Variants in ADAT1 observed in about 807,000 individuals in gnomAD.
ADAT1 encodes the protein adenosine deaminase tRNA specific 1, also known as tRNA-specific adenosine deaminase 1.
A neutral mutation model predicts 58.6 loss-of-function variants in ADAT1; 58 were observed. The ratio of observed to expected loss-of-function variants is 0.99; its 90% CI spans 0.80 to 1.23. ADAT1 has a LOEUF of 1.23. Ranked by LOEUF, ADAT1 falls within the 50% of genes most tolerant of loss-of-function variation. The probability of loss-of-function intolerance (pLI) is 0.00; values close to 1 mark genes in which losing one functional copy is unlikely to be tolerated. For synonymous variants in ADAT1, 254 were observed against 220.8 expected (o/e 1.15, Z -1.33); for missense variants, 741 against 608.6 (o/e 1.22, Z -2.29).
chr16:75,610,395 C>T (rs1488107716), intron 6 of ADAT1, among the ~76,000 whole-genome samples: 1 of 151,838 alleles, frequency 6.6e-6, no homozygotes, highest in African/African-American at 2.4e-5. Context: ...TCCCGTGGCT[C>T]TGGTGATCCT....
At chr16:75,610,434 C>A (rs1186661981) in intron 6 of ADAT1, among the ~76,000 whole-genome samples, 1 of 151,978 alleles carries the variant, frequency 6.6e-6, no homozygotes, top group Non-Finnish European at 1.5e-5. Context: ...GCAGATGGGA[C>A]TACAAGTGTG....
chr16:75,621,412 G>A (rs373837884), intron 1 of ADAT1, among the ~76,000 whole-genome samples: 1 of 151,856 alleles, frequency 6.6e-6, no homozygotes, highest in African/African-American at 2.4e-5. Flanking sequence ...TCTAATTTTG[G>A]CTTTGCCACA....
chr16:75,608,471 T>A, intron 7 of ADAT1, 148 bp from the exon 8 acceptor site: 1 of 664,724 alleles, frequency 1.5e-6, no homozygotes, highest in East Asian at 2.7e-5. Context: ...ATGCTTGGCC[T>A]CCAGGGTACA....
chr16:75,617,236 C>T lies in ADAT1; in HGVS notation c.330G>A (p.Leu110=), dbSNP rs778108393. 1.9e-6 allele frequency: 3 copies of T among 1,613,738 alleles called. No individual in the cohort carries two copies. The South Asian group carries it at 3.3e-5, about 18-fold the overall frequency. ...CTGGGACAAAGATGCTATCCTCTTT[C>T]AGGGTGGCTGCCAACTGGAGTTGGT... The part of the protein sequence containing the change: ...LLHQLQLAAT[L]KEDSIFVPGT... Residue 110 remains leucine (L), a synonymous_variant, in exon 5 of 10, where the codon CTG becomes CTA. Coordinates refer to ENST00000564657, the MANE Select transcript of ADAT1 (RefSeq NM_001324445.2).
At position 75,617,177 on chromosome 16, in the gene ADAT1, T is replaced by A; in HGVS notation, c.389A>T (p.Asp130Val). The A allele has an allele frequency of 6.2e-7, 1 of 1,613,656 alleles. No homozygotes were observed. The highest frequency in any genetic ancestry group is 1.1e-5 in the South Asian group (1 of 91,042). Residue 130 changes from aspartate (D) to valine (V), a missense_variant, in exon 5 of 10, where the codon GAC becomes GTC. Coordinates refer to ENST00000564657, the MANE Select transcript of ADAT1 (RefSeq NM_001324445.2). ...TQKGVWKLRR[D>V]LIFVFFSSHT... The stretch of plus-strand genomic sequence containing the variant: ...GCTGGAGAAAAACACAAAAATGAGG[T>A]CTCGTCTAAGTTTCCACACTCCTTT...
At chr16:75,607,426 C>T (rs751565192) in intron 8 of ADAT1, among the ~76,000 whole-genome samples, 19 of 151,696 alleles carry the variant, frequency 1.3e-4, no homozygotes, top group South Asian at 4.2e-4. Context: ...CGCTTGAACC[C>T]CAGGGGCGGA....
chr16:75,600,232 T>A lies in ADAT1; in HGVS notation c.1493A>T (p.Tyr498Phe). Residue 498 changes from tyrosine (Y) to phenylalanine (F), a missense_variant, in exon 10 of 10, where the codon TAT (tyrosine) becomes TTT (phenylalanine). Physicochemically the swap from Tyr to Phe is conservative, Grantham distance 22. Transcript: ENST00000564657. ...FGSWIRNPPD[Y>F]HQFK ...ATTTCCTTCTCACTTGAACTGGTGATAATCCGGTGGGTTTCTGATCCAGGA... is the reference window on the plus strand; with the variant it reads ...ATTTCCTTCTCACTTGAACTGGTGAAAATCCGGTGGGTTTCTGATCCAGGA... 1 of 1,614,206 alleles carries A rather than the reference T, an allele frequency of 6.2e-7. No homozygotes were observed. Among genetic ancestry groups the A allele is most frequent in the Non-Finnish European group, 8.5e-7 (1 of 1,180,018 alleles).
chr16:75,598,510 C>T lies in ADAT1; in HGVS notation c.*1706G>A, dbSNP rs1169844950. Among the ~76,000 whole-genome samples the T allele has an allele frequency of 1.7e-4, 26 of 150,100 alleles. No individual in the cohort carries two copies. On this transcript the variant is annotated 3_prime_UTR_variant, in exon 10 of 10. Coordinates refer to ENST00000564657, the MANE Select transcript of ADAT1 (RefSeq NM_001324445.2). Reference sequence around the variant, plus strand: ...ATGGTTGCACAACTCTGTGGATATACTAAAAAAATTTTTTTTTTTTTTTTT... The same window carrying T: ...ATGGTTGCACAACTCTGTGGATATATTAAAAAAATTTTTTTTTTTTTTTTT...
intron 7 of ADAT1, 49 bp downstream of exon 7, chr16:75,608,794 C>A (rs761394941): frequency 6.3e-7 from 1 of 1,581,672 alleles, no homozygotes; most frequent in South Asian, 1.1e-5. Context: ...GGGCCACTCT[C>A]AGTCAGGGGA....
chr16:75,603,702 A>T (rs2081285692), intron 8 of ADAT1, among the ~76,000 whole-genome samples: 1 of 119,510 alleles, frequency 8.4e-6, no homozygotes, highest in Non-Finnish European at 1.6e-5. Flanking sequence ...GGAATACTTA[A>T]GGAGGTGAGT....
intron 8 of ADAT1, among the ~76,000 whole-genome samples, chr16:75,606,369 G>A (rs1258912663): frequency 1.3e-5 from 2 of 152,124 alleles, no homozygotes; most frequent in East Asian, 1.9e-4. Context: ...CCTCCCATAC[G>A]TAATAGGGCT....
chr16:75,612,135 G>T, intron 6 of ADAT1, 108 bp downstream of exon 6: 1 of 1,220,708 alleles, frequency 8.2e-7, no homozygotes. Flanking sequence ...ATTCCTGGAA[G>T]TGGAACTGCT....
In ADAT1 at chr16:75,608,894, C is replaced by A. The variant is rs751762218; in HGVS notation, c.1138G>T (p.Val380Leu). Reference sequence around the variant, plus strand: ...GGGCTATCAGCCCTTTTTGCCTGCACCGCACTGCGGCTCTGTTCAAATAGT... The same window carrying A: ...GGGCTATCAGCCCTTTTTGCCTGCAACGCACTGCGGCTCTGTTCAAATAGT... ...DLLFEQSRSA[V>L]QAKRADSPGR... Residue 380 changes from valine (V) to leucine (L), a missense_variant, in exon 7 of 10, where the codon GTG (valine) becomes TTG (leucine). Transcript: ENST00000564657. 6 of 1,613,878 alleles carry A rather than the reference C, an allele frequency of 3.7e-6. No homozygotes were observed. The East Asian group carries it at 1.3e-4, about 36-fold the overall frequency.
At chr16:75,614,256 G>A (rs758292042) in intron 5 of ADAT1, among the ~76,000 whole-genome samples, 3 of 152,108 alleles carry the variant, frequency 2.0e-5, no homozygotes, top group Non-Finnish European at 4.4e-5. Context: ...ATTTTATGAT[G>A]CATGGCCCCA....
chr16:75,615,050 C>A (rs1228319426), intron 5 of ADAT1, among the ~76,000 whole-genome samples: 3 of 151,912 alleles, frequency 2.0e-5, no homozygotes, highest in Non-Finnish European at 4.4e-5. Flanking sequence ...TGTGGTGAAA[C>A]CCTGTTTCTA....
Position 75,617,045 on chromosome 16 carries a change from G to T in ADAT1, c.424+97C>A. 3 of 1,455,102 alleles carry T rather than the reference G, an allele frequency of 2.1e-6. No homozygotes were observed. In the South Asian group the frequency reaches 4.1e-5, roughly 20 times the overall value. The allele number at this position is 1,455,102 out of a possible 1,614,324, so 90.1% of individuals were successfully genotyped here. A position where few individuals can be genotyped will look rare whatever the true frequency, so the allele number is the denominator to read the frequency against. On this transcript the variant is annotated intron_variant, in intron 5 of 9. Coordinates refer to ENST00000564657, the MANE Select transcript of ADAT1 (RefSeq NM_001324445.2). ...CTTGTGACTACCTGTGGCTACTTCAGCCATTAGTGCTTTTTAGGAAAAAAC... is the reference window on the plus strand; with the variant it reads ...CTTGTGACTACCTGTGGCTACTTCATCCATTAGTGCTTTTTAGGAAAAAAC...
intron 9 of ADAT1, chr16:75,602,023 G>T (rs1385968080): frequency 6.6e-6 from 1 of 150,784 alleles, no homozygotes; most frequent in Non-Finnish European, 1.5e-5. Context: ...CTGATCACAC[G>T]TGAGTTTCTG....
intron 1 of ADAT1, among the ~76,000 whole-genome samples, chr16:75,621,681 C>T (rs1036263790): frequency 6.6e-6 from 1 of 151,966 alleles, no homozygotes; most frequent in Non-Finnish European, 1.5e-5. Context: ...CTTGAGCTAC[C>T]TGGTGGTGGG....
rs142764108 is a variant in ADAT1 at position 75,620,691 on chromosome 16, C to G, written c.109G>C (p.Val37Leu). ...PNHEWTLLAA[V>L]VKIQSPADKA... ...TCAGCTGGAGATTGTATCTTCACCA[C>G]CGCTGCCAATAATGTCCACTCATGG... Residue 37 changes from valine (V) to leucine (L), a missense_variant, in exon 2 of 10, where the codon GTG (valine) becomes CTG (leucine). Transcript: ENST00000564657. The G allele has an allele frequency of 2.4e-5, 38 of 1,614,100 alleles. No homozygotes were observed. The highest frequency in any genetic ancestry group is 3.2e-5 in the Non-Finnish European group (38 of 1,180,040).
Sources: gnomAD v4.1 joint callset for allele counts (sites outside exome capture counted in the v4.1 genomes callset) on GRCh38, gnomAD v4.1.1 for gene constraint, MANE v1.5 for transcripts, NCBI Gene and HGNC (gene_info 2026-07-23, HGNC 2026-07-21) for gene names.